Variants in DIP2B observed in about 807,000 individuals in gnomAD.
DIP2B encodes disco-interacting protein 2 homolog B.
Under a neutral mutation model 198.0 loss-of-function variants are expected in DIP2B, and 76 were observed. The ratio of observed to expected loss-of-function variants is 0.38; its 90% CI spans 0.32 to 0.46. DIP2B has a LOEUF of 0.46. Ranked by LOEUF, DIP2B falls within the 20% of genes least tolerant of loss-of-function variation. The pLI, the probability that DIP2B is intolerant of heterozygous loss-of-function variation, is 0.99. For missense variants in DIP2B, 1,559 were observed against 1,978.4 expected, an observed-to-expected ratio of 0.79 and a Z score of 4.02; for synonymous variants, 701 against 739.1, an observed-to-expected ratio of 0.95 and a Z score of 0.84.
At chr12:50,660,827 T>C (rs1260441436) in intron 4 of DIP2B, among the ~76,000 whole-genome samples, 1 of 152,206 alleles carries the variant, frequency 6.6e-6, no homozygotes, top group African/African-American at 2.4e-5. Flanking sequence ...CTGCAAAACG[T>C]ATATAAGTGT....
In DIP2B at chr12:50,505,153, G is replaced by C; in HGVS notation, c.13G>C (p.Gly5Arg). Reference sequence around the variant, plus strand: ...TGGCGGAGCTGGGATGGCGGAACGAGGCCTGGAGCCGTCGCCGGCCGCGGT... The same window carrying C: ...TGGCGGAGCTGGGATGGCGGAACGACGCCTGGAGCCGTCGCCGGCCGCGGT... Reference protein sequence around the residue: MAERGLEPSPAAVAA... With the variant: MAERRLEPSPAAVAA... Residue 5 changes from glycine to arginine, a missense_variant, in exon 1 of 38, where the codon GGC becomes CGC. Physicochemically the swap from Gly to Arg is moderately radical, Grantham distance 125. Coordinates refer to ENST00000301180, the MANE Select transcript of DIP2B (RefSeq NM_173602.3). 2 of 1,528,782 alleles carry C rather than the reference G, an allele frequency of 1.3e-6. No individual in the cohort carries two copies. Among genetic ancestry groups the C allele is most frequent in the Non-Finnish European group, 1.7e-6 (2 of 1,143,138 alleles). The allele number at this position is 1,528,782 out of a possible 1,614,324, so 94.7% of individuals were successfully genotyped here. A position where few individuals can be genotyped will look rare whatever the true frequency, so the allele number is the denominator to read the frequency against.
At chr12:50,732,927 A>G (rs951798711) in intron 32 of DIP2B, among the ~76,000 whole-genome samples, 1 of 150,612 alleles carries the variant, frequency 6.6e-6, no homozygotes, top group Non-Finnish European at 1.5e-5. Flanking sequence ...TTTATTTGAG[A>G]CGGAGCCTTG....
At position 50,539,236 on chromosome 12, in the gene DIP2B, CTT is replaced by C. The variant is rs11336743; in HGVS notation, c.100+34009_100+34010del. On this transcript the variant is annotated intron_variant, in intron 1 of 37. Transcript: ENST00000301180. Reference sequence around the variant, plus strand: ...TAGGTAGCTCGCTCTTTTCTTTTTTCTTTTTTTTTTTTTTGACAGAGTCTTGC... The same window carrying C: ...TAGGTAGCTCGCTCTTTTCTTTTTTCTTTTTTTTTTTTGACAGAGTCTTGC... Among the ~76,000 whole-genome samples the C allele has an allele frequency of 3.6e-3, 483 of 135,330 alleles. 9 individuals are homozygous for C. The highest frequency in any genetic ancestry group is 0.025 in the Admixed American group (336 of 13,538). The allele number at this position is 135,330 out of a possible 152,430, so 88.8% of individuals were successfully genotyped here.
intron 1 of DIP2B, among the ~76,000 whole-genome samples, chr12:50,546,895 TATAA>T (rs1958382468): frequency 6.6e-6 from 1 of 152,232 alleles, no homozygotes; most frequent in Non-Finnish European, 1.5e-5. Flanking sequence ...TGGTTTTATG[TATAA>T]ATAATTTAGA....
At chr12:50,581,565 C>T (rs1958724349) in intron 1 of DIP2B, among the ~76,000 whole-genome samples, 1 of 149,216 alleles carries the variant, frequency 6.7e-6, no homozygotes, top group African/African-American at 2.5e-5. Context: ...ATACTATTTA[C>T]CATATACCCT....
At chr12:50,677,474 G>T (rs1938966463) in intron 7 of DIP2B, among the ~76,000 whole-genome samples, 1 of 151,980 alleles carries the variant, frequency 6.6e-6, no homozygotes, top group African/African-American at 2.4e-5. Context: ...AATTAGCCAG[G>T]CGTGGTGGCG....
chr12:50,724,021 G>A (rs1487484607), intron 27 of DIP2B, among the ~76,000 whole-genome samples: 2 of 152,172 alleles, frequency 1.3e-5, no homozygotes, highest in Non-Finnish European at 1.5e-5. Flanking sequence ...ACAGCAAGGG[G>A]AAGCCTTGGC....
At chr12:50,672,196 T>G (rs902904058) in intron 5 of DIP2B, among the ~76,000 whole-genome samples, 32 of 152,294 alleles carry the variant, frequency 2.1e-4, no homozygotes, top group African/African-American at 7.5e-4. Flanking sequence ...TAATATATCT[T>G]TATTCTGTTA....
At chr12:50,511,912 C>A (rs1373821492) in intron 1 of DIP2B, among the ~76,000 whole-genome samples, 1 of 131,794 alleles carries the variant, frequency 7.6e-6, no homozygotes, top group East Asian at 2.3e-4. Flanking sequence ...CGCGTCACTG[C>A]ACTCCAGCCT....
intron 9 of DIP2B, among the ~76,000 whole-genome samples, chr12:50,682,734 T>G (rs966634655): frequency 6.6e-6 from 1 of 152,016 alleles, no homozygotes; most frequent in African/African-American, 2.4e-5. Flanking sequence ...GATGTAAGGC[T>G]TATTCTTTAA....
Position 50,735,135 on chromosome 12 carries a change from T to G in DIP2B, c.4101+5T>G, listed in dbSNP as rs888285546. Reference sequence around the variant, plus strand: ...CTTCTCTCAGAGTCTGGAAAGGTAATTTGTTCTGTTGACCATGGGGAAGGT... The same window carrying G: ...CTTCTCTCAGAGTCTGGAAAGGTAAGTTGTTCTGTTGACCATGGGGAAGGT... On this transcript the variant is annotated splice_donor_5th_base_variant and intron_variant, in intron 34 of 37. Coordinates refer to ENST00000301180, the MANE Select transcript of DIP2B (RefSeq NM_173602.3). The G allele has an allele frequency of 1.9e-6, 3 of 1,614,050 alleles. No homozygotes were observed. The highest frequency in any genetic ancestry group is 2.7e-5 in the African/African-American group (2 of 74,922).
chr12:50,728,865 T>C (rs1390412560), intron 30 of DIP2B, among the ~76,000 whole-genome samples, 187 bp downstream of exon 30: 1 of 152,224 alleles, frequency 6.6e-6, no homozygotes, highest in African/African-American at 2.4e-5. Flanking sequence ...TTCCCTTTGT[T>C]ATTTTCTGTT....
intron 35 of DIP2B, among the ~76,000 whole-genome samples, chr12:50,737,705 C>T (rs948438903): frequency 1.3e-5 from 2 of 151,966 alleles, no homozygotes; most frequent in Non-Finnish European, 2.9e-5. Context: ...TGTGCCTCGG[C>T]CTTCCCAAGT....
chr12:50,686,625 A>G lies in DIP2B; in HGVS notation c.1494A>G (p.Pro498=). The change falls in exon 12 of 38, where the codon CCA becomes CCG. Residue 498 remains proline, a synonymous_variant. Transcript: ENST00000301180. The stretch of plus-strand genomic sequence containing the variant: ...CAGATTCCAAGTACCTTTCAAAGCC[A>G]CCGAAAGACTGGCAGCCACACATCT... ...VVTDSKYLSK[P]PKDWQPHISP... is the part of the protein sequence containing the mutation. 3 of 1,614,126 alleles carry G rather than the reference A, an allele frequency of 1.9e-6. No individual in the cohort carries two copies. Among genetic ancestry groups the G allele is most frequent in the Non-Finnish European group, 2.5e-6 (3 of 1,180,022 alleles).
intron 1 of DIP2B, among the ~76,000 whole-genome samples, chr12:50,507,462 T>A (rs555478777): frequency 6.6e-6 from 1 of 152,348 alleles, no homozygotes; most frequent in East Asian, 1.9e-4. Flanking sequence ...TGTAGCATAT[T>A]TGGAGCTAAG....
intron 7 of DIP2B, among the ~76,000 whole-genome samples, chr12:50,677,732 A>G (rs988023662): frequency 7.2e-5 from 11 of 151,966 alleles, no homozygotes. Context: ...TGAAATATTC[A>G]CCCCCAATCT....
intron 34 of DIP2B, among the ~76,000 whole-genome samples, chr12:50,736,406 A>G (rs1940139839): frequency 1.3e-5 from 2 of 152,206 alleles, no homozygotes. Context: ...ACCCAAGATA[A>G]AAAGGGAGTT....
At chr12:50,579,523 A>T (rs1219604613) in intron 1 of DIP2B, among the ~76,000 whole-genome samples, 5 of 147,206 alleles carry the variant, frequency 3.4e-5, no homozygotes, top group African/African-American at 1.0e-4. Flanking sequence ...GAGGCAGGAA[A>T]ATCACTTGAA....
intron 2 of DIP2B, among the ~76,000 whole-genome samples, chr12:50,638,284 A>G (rs1444442151): frequency 2.0e-5 from 3 of 152,222 alleles, no homozygotes; most frequent in African/African-American, 7.2e-5. Context: ...ATTTGGTTTT[A>G]TGCGTAATTC....
Sources: gnomAD v4.1 joint callset for allele counts (sites outside exome capture counted in the v4.1 genomes callset) on GRCh38, gnomAD v4.1.1 for gene constraint, MANE v1.5 for transcripts, NCBI Gene and HGNC (gene_info 2026-07-23, HGNC 2026-07-21) for gene names.